The following KCNQ3 variants were observed in gnomAD, a reference collection of about 807,000 sequenced individuals.
KCNQ3 encodes the protein potassium voltage-gated channel subfamily KQT member 3.
A neutral mutation model predicts 92.5 loss-of-function variants in KCNQ3; 30 were observed. The ratio of observed to expected loss-of-function variants is 0.32; its 90% CI spans 0.24 to 0.44. The LOEUF is 0.44. KCNQ3 is among the 20% of genes least tolerant of loss of function. The pLI is 1.00. For missense variants in KCNQ3, 913 were observed against 1,140.3 expected, an observed-to-expected ratio of 0.80 and a Z score of 2.87; for synonymous variants, 450 against 468.8, an observed-to-expected ratio of 0.96 and a Z score of 0.52.
chr8:132,160,322 C>CT (rs1825946063), intron 9 of KCNQ3, among the ~76,000 whole-genome samples: 1 of 152,168 alleles, frequency 6.6e-6, no homozygotes, highest in Non-Finnish European at 1.5e-5. Context: ...AATGGACTCC[C>CT]TATGCATCTG....
chr8:132,375,470 T>C (rs1819582083), intron 1 of KCNQ3, among the ~76,000 whole-genome samples: 1 of 152,198 alleles, frequency 6.6e-6, no homozygotes, highest in South Asian at 2.1e-4. Context: ...GAAACTCCAC[T>C]GTACACCCCT....
At chr8:132,389,726 C>G (rs561888986) in intron 1 of KCNQ3, among the ~76,000 whole-genome samples, 162 of 152,326 alleles carry the variant, frequency 1.1e-3, no homozygotes, top group African/African-American at 3.7e-3. Context: ...CAACAAGACA[C>G]TGCCACATAC....
chr8:132,269,357 A>G (rs539440361), intron 1 of KCNQ3, among the ~76,000 whole-genome samples: 44 of 152,240 alleles, frequency 2.9e-4, no homozygotes, highest in African/African-American at 1.0e-3. Context: ...TCTGTGATCC[A>G]TTTTTAGTTA....
At chr8:132,403,643 A>T (rs749376134) in intron 1 of KCNQ3, among the ~76,000 whole-genome samples, 59 of 152,348 alleles carry the variant, frequency 3.9e-4, no homozygotes, top group Non-Finnish European at 5.6e-4. Flanking sequence ...AAAGTATCAT[A>T]GTTCCATTTC....
intron 1 of KCNQ3, among the ~76,000 whole-genome samples, chr8:132,254,526 C>T (rs557445876): frequency 1.3e-5 from 2 of 152,192 alleles, no homozygotes; most frequent in East Asian, 1.9e-4. Flanking sequence ...TTGTGGATCT[C>T]CTTGAGGTAA....
At chr8:132,335,768 G>C (rs765585849) in intron 1 of KCNQ3, among the ~76,000 whole-genome samples, 2 of 152,178 alleles carry the variant, frequency 1.3e-5, no homozygotes, top group African/African-American at 2.4e-5. Context: ...ATGCTGTCGG[G>C]GGAAGGGGTG....
At chr8:132,291,661 G>A (rs1816838095) in intron 1 of KCNQ3, among the ~76,000 whole-genome samples, 1 of 152,078 alleles carries the variant, frequency 6.6e-6, no homozygotes, top group Non-Finnish European at 1.5e-5. Context: ...ATTTCACTTA[G>A]AAAAAATAAG....
chr8:132,333,038 T>TGGAA (rs1818272482), intron 1 of KCNQ3, among the ~76,000 whole-genome samples: 1 of 149,746 alleles, frequency 6.7e-6, no homozygotes, highest in Non-Finnish European at 1.5e-5. Flanking sequence ...GATGGATGGA[T>TGGAA]GGATGGATGG....
intron 1 of KCNQ3, among the ~76,000 whole-genome samples, chr8:132,379,426 C>T (rs1040610082): frequency 1.3e-5 from 2 of 152,068 alleles, no homozygotes; most frequent in African/African-American, 4.8e-5. Context: ...TTCTTCTCCA[C>T]AATCACAGCC....
At chr8:132,472,330 T>G (rs1045357559) in intron 1 of KCNQ3, among the ~76,000 whole-genome samples, 1 of 152,208 alleles carries the variant, frequency 6.6e-6, no homozygotes, top group African/African-American at 2.4e-5. Context: ...TGCAGCAGTA[T>G]TCCCAATAAC....
intron 13 of KCNQ3, among the ~76,000 whole-genome samples, chr8:132,133,422 C>T (rs1400943910): frequency 8.1e-6 from 1 of 123,988 alleles, no homozygotes; most frequent in East Asian, 2.4e-4. Flanking sequence ...GTGGCATGAT[C>T]TCGGCTCACT....
At chr8:132,374,845 A>G (rs553987647) in intron 1 of KCNQ3, among the ~76,000 whole-genome samples, 1 of 152,336 alleles carries the variant, frequency 6.6e-6, no homozygotes, top group South Asian at 2.1e-4. Flanking sequence ...TCTTCCTGCA[A>G]AAGACATGAT....
At chr8:132,383,561 A>G (rs1293841640) in intron 1 of KCNQ3, among the ~76,000 whole-genome samples, 1 of 152,146 alleles carries the variant, frequency 6.6e-6, no homozygotes, top group Non-Finnish European at 1.5e-5. Flanking sequence ...TCATATACTT[A>G]ACAGACCTAG....
intron 1 of KCNQ3, among the ~76,000 whole-genome samples, chr8:132,401,819 C>A (rs1443994143): frequency 1.3e-5 from 2 of 152,228 alleles, no homozygotes; most frequent in Non-Finnish European, 2.9e-5. Flanking sequence ...ACACCAAATG[C>A]TGCAGTGATT....
chr8:132,215,111 C>A (rs1461919303), intron 1 of KCNQ3, among the ~76,000 whole-genome samples: 1 of 152,246 alleles, frequency 6.6e-6, no homozygotes, highest in Non-Finnish European at 1.5e-5. Context: ...TGCACTCGGG[C>A]AGCTTGTAGC....
At chr8:132,412,914 G>C in intron 1 of KCNQ3, among the ~76,000 whole-genome samples, 1 of 152,262 alleles carries the variant, frequency 6.6e-6, no homozygotes, top group South Asian at 2.1e-4. Context: ...GCAAGTGACC[G>C]GGGAGGCAGC....
chr8:132,359,690 A>G (rs1819112982), intron 1 of KCNQ3, among the ~76,000 whole-genome samples: 1 of 152,198 alleles, frequency 6.6e-6, no homozygotes, highest in Non-Finnish European at 1.5e-5. Flanking sequence ...TATTAGAGAA[A>G]CTAGTAATGA....
intron 12 of KCNQ3, among the ~76,000 whole-genome samples, chr8:132,135,229 T>G (rs1286863432): frequency 6.6e-6 from 1 of 152,230 alleles, no homozygotes; most frequent in African/African-American, 2.4e-5. Flanking sequence ...GCTCCAACCA[T>G]GTTCCTGCAA....
In KCNQ3 at chr8:132,263,399, A is replaced by G. The variant is rs11994672; in HGVS notation, c.387-77218T>C. Among the ~76,000 whole-genome samples, 833 of 152,220 alleles carry G rather than the reference A, an allele frequency of 5.5e-3. 6 individuals carry two copies. Among genetic ancestry groups the G allele is most frequent in the African/African-American group, 0.019 (781 of 41,548 alleles). ...AGGCTTATCTGATGCTGACGGCTCC[A>G]CCCTACAGCCCCATTTCTATCCAGT... On this transcript the variant is annotated intron_variant, in intron 1 of 14. Transcript: ENST00000388996.
Sources: gnomAD v4.1 joint callset for allele counts (sites outside exome capture counted in the v4.1 genomes callset) on GRCh38, gnomAD v4.1.1 for gene constraint, MANE v1.5 for transcripts, NCBI Gene and HGNC (gene_info 2026-07-23, HGNC 2026-07-21) for gene names.